Variants in RAB25 observed in about 807,000 individuals in gnomAD.
RAB25 encodes RAB25, member RAS oncogene family.
Under a neutral mutation model 25.2 loss-of-function variants are expected in RAB25, and 23 were observed. That is an observed-to-expected ratio of 0.91 (90% CI 0.66 to 1.29). The LOEUF is 1.29. RAB25 is among the 50% of genes most tolerant of loss of function. RAB25 has a pLI of 0.00. For synonymous variants in RAB25, 102 were observed against 111.5 expected, an observed-to-expected ratio of 0.91 and a Z score of 0.54; for missense variants, 244 against 277.3, an observed-to-expected ratio of 0.88 and a Z score of 0.85.
intron 2 of RAB25, 165 bp downstream of exon 2, chr1:156,066,271 G>C: frequency 1.7e-6 from 1 of 602,400 alleles, no homozygotes. Context: ...AACAGAAACA[G>C]CACAAGCCAG....
rs1046696228 is a variant in RAB25, at chr1:156,065,931, G to C, written c.64G>C (p.Gly22Arg). ...VFKVVLIGES[G>R]VGKTNLLSRF... The stretch of plus-strand genomic sequence containing the variant: ...TTCAGTGGTGCTGATCGGCGAATCA[G>C]GTGTGGGGAAGACCAATCTACTCTC... The change falls in exon 2 of 5, where the codon GGT (glycine) becomes CGT (arginine). Residue 22 changes from glycine (G) to arginine (R), a missense_variant. By Grantham distance (125) the Gly-to-Arg change is moderately radical. Transcript: ENST00000361084. 8.7e-6 allele frequency: 14 copies of C among 1,608,192 alleles called. No homozygotes were observed. Among genetic ancestry groups the C allele is most frequent in the Non-Finnish European group, 1.2e-5 (14 of 1,176,182 alleles).
chr1:156,066,263 C>G, intron 2 of RAB25, 157 bp downstream of exon 2: 1 of 630,398 alleles, frequency 1.6e-6, no homozygotes, highest in Non-Finnish European at 2.6e-6. Context: ...GTACTGTAAA[C>G]AGAAACAGCA....
At chr1:156,065,276 T>C (rs978830505) in intron 1 of RAB25, among the ~76,000 whole-genome samples, 2 of 152,220 alleles carry the variant, frequency 1.3e-5, no homozygotes, top group Non-Finnish European at 2.9e-5. Context: ...ATAGCTGGTC[T>C]AACACCCAGG....
rs552979828 is a variant in RAB25, at chr1:156,068,435, G to A, written c.405G>A (p.Val135=). ...GTGACCTCAGCCAGGCCCGGGAAGT[G>A]CCCACTGAGGAGGCCCGAATGTTCG... ...NKSDLSQARE[V]PTEEARMFAE... is the part of the protein sequence containing the mutation. The change falls in exon 3 of 5, where the codon GTG becomes GTA. Residue 135 remains valine, a synonymous_variant. Transcript: ENST00000361084. The A allele has an allele frequency of 6.2e-7, 1 of 1,613,670 alleles. No homozygotes were observed. Among genetic ancestry groups the A allele is most frequent in the South Asian group, 1.1e-5 (1 of 91,044 alleles).
intron 1 of RAB25, 113 bp downstream of exon 1, chr1:156,061,556 C>A: frequency 9.1e-7 from 1 of 1,101,640 alleles, no homozygotes; most frequent in Non-Finnish European, 1.4e-6. Flanking sequence ...CCTCCTGGGG[C>A]TCCTCATTCC....
chr1:156,065,178 A>G (rs1484408450), intron 1 of RAB25, among the ~76,000 whole-genome samples: 2 of 152,198 alleles, frequency 1.3e-5, no homozygotes, highest in African/African-American at 2.4e-5. Context: ...ACTTCCTACA[A>G]TAACCCTTAA....
intron 1 of RAB25, 56 bp downstream of exon 1, chr1:156,061,499 A>G (rs1647579970): frequency 1.9e-6 from 3 of 1,570,850 alleles, no homozygotes; most frequent in African/African-American, 2.7e-5. Context: ...AAGAGATTGA[A>G]TAGAGCCAGA....
Position 156,068,394 on chromosome 1 carries a change from C to T in RAB25, c.364C>T (p.Leu122Phe). 5 of 1,614,098 alleles carry T rather than the reference C, an allele frequency of 3.1e-6. No individual in the cohort carries two copies. The change falls in exon 3 of 5, where the codon CTC becomes TTC. Residue 122 changes from leucine (L) to phenylalanine (F), a missense_variant. Coordinates refer to ENST00000361084, the MANE Select transcript of RAB25 (RefSeq NM_020387.4). The part of the protein sequence containing the change: ...DHAEATIVVM[L>F]VGNKSDLSQA... ...TGCTGAAGCCACGATCGTCGTCATG[C>T]TCGTGGGTAACAAAAGTGACCTCAG...
intron 1 of RAB25, among the ~76,000 whole-genome samples, chr1:156,062,480 A>C (rs1647615015): frequency 6.6e-6 from 1 of 152,018 alleles, no homozygotes; most frequent in South Asian, 2.1e-4. Context: ...TCCCAACCTC[A>C]GCCCGGCCCC....
intron 2 of RAB25, 81 bp downstream of exon 2, chr1:156,066,187 G>A: frequency 7.6e-7 from 1 of 1,318,044 alleles, no homozygotes; most frequent in Admixed American, 2.6e-5. Flanking sequence ...AAGTGGGGGA[G>A]GAGGAGGCAA....
At chr1:156,067,006 C>A (rs1320157853) in intron 2 of RAB25, among the ~76,000 whole-genome samples, 1 of 151,582 alleles carries the variant, frequency 6.6e-6, no homozygotes, top group Non-Finnish European at 1.5e-5. Flanking sequence ...GAGGCCGAGG[C>A]GGGCAGATCA....
In RAB25 at chr1:156,066,042, G is replaced by A. The variant is rs1185647432; in HGVS notation, c.175G>A (p.Ala59Thr). 3.1e-6 allele frequency: 5 copies of A among 1,613,292 alleles called. No homozygotes were observed. Among genetic ancestry groups the A allele is most frequent in the East Asian group, 2.2e-5 (1 of 44,846 alleles). The change falls in exon 2 of 5, where the codon GCT becomes ACT. Residue 59 changes from alanine to threonine, a missense_variant. Physicochemically the swap from Ala to Thr is moderately conservative, Grantham distance 58. Coordinates refer to ENST00000361084, the MANE Select transcript of RAB25 (RefSeq NM_020387.4). ...FSTRTVMLGT[A>T]AVKAQIWDTA... is the part of the protein sequence containing the mutation. ...CACCCGCACTGTGATGTTGGGCACC[G>A]CTGCTGTCAAGGCTCAGATCTGGGA...
chr1:156,068,252 C>A lies in RAB25; in HGVS notation c.240-18C>A. On this transcript the variant is annotated intron_variant, in intron 2 of 4. Transcript: ENST00000361084. ...GCCTCTGATCGTATCTCTGTCCATC[C>A]TTCTCATTCCCACCCAGGTACTATC... 6.3e-7 allele frequency: 1 copy of A among 1,597,492 alleles called. No individual in the cohort carries two copies. Among genetic ancestry groups the A allele is most frequent in the Non-Finnish European group, 8.6e-7 (1 of 1,165,400 alleles).
In RAB25 at chr1:156,068,309, C is replaced by G; in HGVS notation, c.279C>G (p.Asp93Glu). 6.2e-7 allele frequency: 1 copy of G among 1,613,936 alleles called. No homozygotes were observed. The change falls in exon 3 of 5, where the codon GAC (aspartate) becomes GAG (glutamate). Residue 93 changes from aspartate to glutamate, a missense_variant. Transcript: ENST00000361084. ...CAGTGGGGGCCCTCCTGGTGTTTGA[C>G]CTAACCAAGCACCAGACCTATGCTG... ...RGAVGALLVFDLTKHQTYAVV... is the reference protein window; with the variant it reads ...RGAVGALLVFELTKHQTYAVV...
In RAB25 at chr1:156,066,003, G is replaced by C; in HGVS notation, c.136G>C (p.Gly46Arg). 1 of 1,613,972 alleles carries C rather than the reference G, an allele frequency of 6.2e-7. No individual in the cohort carries two copies. The highest frequency in any genetic ancestry group is 1.7e-4 in the Middle Eastern group (1 of 6,060). ...EFSHDSRTTI[G>R]VEFSTRTVML... ...CAGCCACGACAGCCGCACCACCATC[G>C]GGGTTGAGTTCTCCACCCGCACTGT... is the stretch of plus-strand genomic sequence containing the variant. Residue 46 changes from glycine to arginine, a missense_variant, in exon 2 of 5, where the codon GGG (glycine) becomes CGG (arginine). Gly to Arg is a moderately radical substitution (Grantham distance 125). Transcript: ENST00000361084.
chr1:156,066,786 A>C (rs1647759013), intron 2 of RAB25, among the ~76,000 whole-genome samples: 1 of 151,904 alleles, frequency 6.6e-6, no homozygotes, highest in African/African-American at 2.4e-5. Context: ...CAAAAATATA[A>C]AAAATTGGCC....
At chr1:156,070,093 G>A in intron 4 of RAB25, 67 bp from the exon 5 acceptor site, 5 of 1,612,602 alleles carry the variant, frequency 3.1e-6, no homozygotes, top group Non-Finnish European at 3.4e-6. Context: ...TATGTATGGG[G>A]GGGTTGGGGA....
chr1:156,069,711 C>T lies in RAB25; in HGVS notation c.474C>T (p.Asp158=), dbSNP rs750355500. ...GLLFLETSAL[D]STNVELAFET... is the part of the protein sequence containing the mutation. ...TCTTCCTGGAGACCTCAGCCCTGGA[C>T]TCTACCAATGTTGAGCTAGCCTTTG... Residue 158 remains aspartate (D), a synonymous_variant, in exon 4 of 5, where the codon GAC becomes GAT. Transcript: ENST00000361084. 2.5e-6 allele frequency: 4 copies of T among 1,613,500 alleles called. No homozygotes were observed. The highest frequency in any genetic ancestry group is 1.1e-5 in the South Asian group (1 of 91,070).
chr1:156,064,587 G>A (rs1647686755), intron 1 of RAB25, among the ~76,000 whole-genome samples: 1 of 151,954 alleles, frequency 6.6e-6, no homozygotes, highest in Non-Finnish European at 1.5e-5. Flanking sequence ...GCTAATTTTT[G>A]CATTTTTTGT....
Sources: allele counts gnomAD v4.1 joint callset (sites outside exome capture counted in the v4.1 genomes callset), GRCh38; gene constraint gnomAD v4.1.1; transcripts MANE v1.5; gene names NCBI Gene and HGNC (gene_info 2026-07-23, HGNC 2026-07-21).